The following PDE8B variants were observed in gnomAD, a reference collection of about 807,000 sequenced individuals.
PDE8B encodes phosphodiesterase 8B, also known as high affinity cAMP-specific and IBMX-insensitive 3',5'-cyclic phosphodiesterase 8B.
A neutral mutation model predicts 101.3 loss-of-function variants in PDE8B; 26 were observed. The ratio of observed to expected loss-of-function variants is 0.26; its 90% CI spans 0.19 to 0.36. The LOEUF is 0.36. PDE8B is among the 10% of genes least tolerant of loss of function. The probability of loss-of-function intolerance (pLI) is 1.00; values close to 1 mark genes in which losing one functional copy is unlikely to be tolerated. For synonymous variants in PDE8B, 424 were observed against 429.3 expected, an observed-to-expected ratio of 0.99 and a Z score of 0.15; for missense variants, 810 against 1,163.1, an observed-to-expected ratio of 0.70 and a Z score of 4.42.
intron 1 of PDE8B, among the ~76,000 whole-genome samples, chr5:77,264,973 G>A (rs1761385721): frequency 6.6e-6 from 1 of 152,028 alleles, no homozygotes; most frequent in Non-Finnish European, 1.5e-5. Context: ...TCTTTCCTAG[G>A]CCTCAACTGA....
At chr5:77,318,163 A>G (rs548769514) in intron 2 of PDE8B, among the ~76,000 whole-genome samples, 1 of 151,754 alleles carries the variant, frequency 6.6e-6, no homozygotes, top group Non-Finnish European at 1.5e-5. Flanking sequence ...GGGATTTTAT[A>G]TAGTGGAGAT....
intron 10 of PDE8B, among the ~76,000 whole-genome samples, chr5:77,369,372 G>A (rs1018841778): frequency 1.3e-5 from 2 of 152,060 alleles, no homozygotes; most frequent in Non-Finnish European, 2.9e-5. Context: ...TTCCAAGGTG[G>A]AAGGAGTATC....
rs750079804 is a variant in PDE8B at position 77,357,288 on chromosome 5, CT to C, written c.1167+3884del. ...CAGTTAGGCACAGTCATCATCCCTG[CT>C]TGTCTGGGCAGCAAAGTGGGGATGG... On this transcript the variant is annotated intron_variant, in intron 10 of 21. Transcript: ENST00000264917. 9.2e-5 allele frequency among the ~76,000 whole-genome samples: 14 copies of C among 152,260 alleles called. No individual in the cohort carries two copies. The South Asian group carries it at 2.7e-3, about 29-fold the overall frequency.
chr5:77,222,318 AGT>A (rs1241427906), intron 1 of PDE8B, among the ~76,000 whole-genome samples: 1 of 152,078 alleles, frequency 6.6e-6, no homozygotes, highest in Admixed American at 6.5e-5. Flanking sequence ...CTAGGTTTGG[AGT>A]GATAAAAAAA....
At chr5:77,111,211 C>A in the PDE8B span, among the ~76,000 whole-genome samples, 1 of 152,060 alleles carries the variant, frequency 6.6e-6, no homozygotes, top group Non-Finnish European at 1.5e-5. Context: ...TGGATGGCAG[C>A]AATAGAAATG....
intron 1 of PDE8B, chr5:77,291,245 C>A: frequency 1.2e-6 from 2 of 1,611,908 alleles, no homozygotes; most frequent in Non-Finnish European, 1.7e-6. Flanking sequence ...AAAAGGCCTA[C>A]GCACAGATCC....
chr5:77,183,129 A>ATTATTATTATTATTATTATT, the PDE8B span, among the ~76,000 whole-genome samples: 29 of 148,086 alleles, frequency 2.0e-4, no homozygotes, highest in African/African-American at 6.6e-4. Context: ...TATTATTATT[A>ATTATTATTATTATTATTATT]ATTATTTTGA....
intron 8 of PDE8B, 61 bp from the exon 9 acceptor site, chr5:77,351,004 T>C: frequency 8.3e-7 from 1 of 1,198,792 alleles, no homozygotes; most frequent in Non-Finnish European, 1.2e-6. Context: ...TCTGAGACCC[T>C]CTGCAGGAGC....
chr5:77,344,829 A>C (rs767492041), intron 6 of PDE8B, 24 bp from the exon 7 acceptor site: 1 of 1,434,304 alleles, frequency 7.0e-7, no homozygotes, highest in Non-Finnish European at 9.8e-7. Flanking sequence ...AGAAGAACTA[A>C]CTTCAATCTT....
chr5:77,318,952 A>C (rs1301162624), intron 2 of PDE8B, among the ~76,000 whole-genome samples: 1 of 152,262 alleles, frequency 6.6e-6, no homozygotes, highest in Non-Finnish European at 1.5e-5. Flanking sequence ...GCCTTATTCA[A>C]GATGAGGAAA....
intron 1 of PDE8B, among the ~76,000 whole-genome samples, chr5:77,284,402 C>G (rs1172118934): frequency 6.6e-6 from 1 of 152,138 alleles, no homozygotes; most frequent in Non-Finnish European, 1.5e-5. Context: ...TTGCCAAACT[C>G]AAGATTGTTT....
chr5:77,388,964 C>A (rs1261392222), intron 10 of PDE8B, among the ~76,000 whole-genome samples: 2 of 152,138 alleles, frequency 1.3e-5, no homozygotes, highest in Admixed American at 6.5e-5. Context: ...GACTACTGTG[C>A]CGGCAGCGAG....
intron 2 of PDE8B, among the ~76,000 whole-genome samples, chr5:77,318,872 C>T (rs1161078637): frequency 6.6e-6 from 1 of 152,160 alleles, no homozygotes; most frequent in Non-Finnish European, 1.5e-5. Flanking sequence ...TAGACATTGA[C>T]AATCCATTTG....
At chr5:77,097,156 G>A in the PDE8B span, among the ~76,000 whole-genome samples, 1 of 152,134 alleles carries the variant, frequency 6.6e-6, no homozygotes, top group Admixed American at 6.5e-5. Context: ...AAGAAGAGAA[G>A]GAGGGAGGAA....
chr5:77,264,277 T>C (rs1761226212), intron 1 of PDE8B, among the ~76,000 whole-genome samples: 1 of 152,260 alleles, frequency 6.6e-6, no homozygotes, highest in Non-Finnish European at 1.5e-5. Flanking sequence ...CTTTCAGGTA[T>C]GTACCTAGGG....
chr5:77,142,481 T>G, the PDE8B span, among the ~76,000 whole-genome samples: 1 of 152,244 alleles, frequency 6.6e-6, no homozygotes, highest in African/African-American at 2.4e-5. Context: ...ATTTGTTTTC[T>G]ATCACTATAG....
rs376486920 is a variant in PDE8B at position 77,407,481 on chromosome 5, C to T, written c.1365+24C>T. 12 of 1,554,806 alleles carry T rather than the reference C, an allele frequency of 7.7e-6. No homozygotes were observed. In the African/African-American group the frequency reaches 1.6e-4, roughly 21 times the overall value. ...AGGTGAGTGGCGGCTGCTGCCTGCA[C>T]TCTGCAGTCAGGGGCCCTCACACAG... On this transcript the variant is annotated intron_variant, in intron 13 of 21. Transcript: ENST00000264917.
chr5:77,303,408 A>G (rs546629921), intron 1 of PDE8B, among the ~76,000 whole-genome samples: 11 of 151,916 alleles, frequency 7.2e-5, no homozygotes, highest in Non-Finnish European at 1.0e-4. Flanking sequence ...GGCGTAGAGA[A>G]TTTTTGTGTT....
intron 1 of PDE8B, among the ~76,000 whole-genome samples, chr5:77,226,992 T>C (rs549369924): frequency 6.6e-6 from 1 of 152,210 alleles, no homozygotes; most frequent in African/African-American, 2.4e-5. Context: ...TAAAGTCCTA[T>C]GCGTTTACAC....
Sources: allele counts gnomAD v4.1 joint callset (sites outside exome capture counted in the v4.1 genomes callset), GRCh38; gene constraint gnomAD v4.1.1; transcripts MANE v1.5; gene names NCBI Gene and HGNC (gene_info 2026-07-23, HGNC 2026-07-21).